GRIK2: variants seen among roughly 807,000 people sequenced by gnomAD.
GRIK2 encodes the protein glutamate receptor ionotropic, kainate 2.
GRIK2 carries 32 observed loss-of-function variants against 100.3 expected under a neutral mutation model. That is an observed-to-expected ratio of 0.32 (90% CI 0.24 to 0.43). The LOEUF (loss-of-function observed/expected upper bound fraction) is 0.43. GRIK2 is among the 20% of genes least tolerant of loss of function. The pLI is 1.00. For synonymous variants in GRIK2, 417 were observed against 389.4 expected (o/e 1.07, Z -0.83); for missense variants, 843 against 1,114.9 (o/e 0.76, Z 3.47).
Position 102,035,551 on chromosome 6 carries a change from G to A in GRIK2, c.2296G>A (p.Val766Ile), listed in dbSNP as rs3213608. The change falls in exon 15 of 17, where the codon GTT becomes ATT. Residue 766 changes from valine to isoleucine, a missense_variant. Physicochemically the swap from Val to Ile is conservative, Grantham distance 29. Transcript: ENST00000369134. ...GGLIDSKGYG[V>I]GTPMGSPYRD... is the part of the protein sequence containing the mutation. ...CCTTATAGACTCTAAAGGTTATGGCGTTGGCACTCCCATGGGTAGGTTATA... is the reference window on the plus strand; with the variant it reads ...CCTTATAGACTCTAAAGGTTATGGCATTGGCACTCCCATGGGTAGGTTATA... The A allele has an allele frequency of 1.2e-3, 1,869 of 1,589,202 alleles. 27 individuals carry two copies. The Admixed American group carries it at 0.023, about 19-fold the overall frequency.
intron 14 of GRIK2, among the ~76,000 whole-genome samples, chr6:101,980,852 A>G (rs1376279171): frequency 6.6e-6 from 1 of 150,894 alleles, no homozygotes; most frequent in Non-Finnish European, 1.5e-5. Flanking sequence ...AAGTATAAGC[A>G]CTGAAGTAAC....
chr6:101,790,206 C>T (rs1402273486), intron 7 of GRIK2, among the ~76,000 whole-genome samples: 11 of 151,948 alleles, frequency 7.2e-5, no homozygotes, highest in Admixed American at 2.6e-4. Flanking sequence ...ATTTCCTTCT[C>T]CTGCCTAATT....
At chr6:101,402,942 C>T (rs1775402117) in intron 2 of GRIK2, among the ~76,000 whole-genome samples, 2 of 152,304 alleles carry the variant, frequency 1.3e-5, no homozygotes, top group Non-Finnish European at 2.9e-5. Flanking sequence ...GGCCTCTAAG[C>T]TGAACTGCGG....
chr6:101,836,663 T>TATATA (rs1562426881), intron 10 of GRIK2, among the ~76,000 whole-genome samples: 5 of 75,792 alleles, frequency 6.6e-5, no homozygotes, highest in African/African-American at 2.8e-4. Flanking sequence ...ATATATATAT[T>TATATA]TTTTTTTTTT....
intron 2 of GRIK2, among the ~76,000 whole-genome samples, chr6:101,590,253 A>G (rs576906221): frequency 3.3e-5 from 5 of 152,146 alleles, no homozygotes; most frequent in African/African-American, 1.2e-4. Flanking sequence ...GCTTTGTGAT[A>G]CTGAAGCTGG....
At chr6:101,775,542 T>TGC (rs1778686676) in intron 7 of GRIK2, among the ~76,000 whole-genome samples, 1 of 26 alleles carries the variant, frequency 0.038, no homozygotes, top group South Asian at 0.5. Context: ...TGTATATATA[T>TGC]GTGTGTGAGA....
chr6:101,891,303 A>G (rs887380161), intron 12 of GRIK2, among the ~76,000 whole-genome samples: 1 of 151,818 alleles, frequency 6.6e-6, no homozygotes, highest in Non-Finnish European at 1.5e-5. Context: ...CGGATCACAA[A>G]GTCAGGAGAT....
At chr6:101,932,231 T>G (rs74505241) in intron 14 of GRIK2, among the ~76,000 whole-genome samples, 3,198 of 152,156 alleles carry the variant, frequency 0.021, 125 homozygotes, top group Admixed American at 0.092. Context: ...CTTTATTATG[T>G]GCACTAATAC....
intron 11 of GRIK2, among the ~76,000 whole-genome samples, chr6:101,881,206 CA>C (rs1304090812): frequency 6.6e-6 from 1 of 151,734 alleles, no homozygotes; most frequent in African/African-American, 2.4e-5. Flanking sequence ...TATATAATAA[CA>C]TTACATTTTA....
intron 4 of GRIK2, among the ~76,000 whole-genome samples, chr6:101,673,636 T>C (rs185389929): frequency 6.6e-6 from 1 of 152,320 alleles, no homozygotes; most frequent in Admixed American, 6.5e-5. Flanking sequence ...TTTCTCTTTT[T>C]ATTCATGTAT....
intron 14 of GRIK2, among the ~76,000 whole-genome samples, chr6:101,955,615 T>TCTCTCCCC (rs1405718742): frequency 1.1e-5 from 1 of 93,140 alleles, no homozygotes; most frequent in African/African-American, 4.2e-5. Context: ...TCTCTCTCTC[T>TCTCTCCCC]CCCCCCCATT....
At chr6:101,628,021 A>T (rs1780542248) in intron 4 of GRIK2, among the ~76,000 whole-genome samples, 2 of 152,218 alleles carry the variant, frequency 1.3e-5, no homozygotes, top group Admixed American at 1.3e-4. Flanking sequence ...CAATATAAAC[A>T]GTGCTCTTTA....
At chr6:102,066,672 AAG>A (rs913958470) in intron 16 of GRIK2, among the ~76,000 whole-genome samples, 31 of 151,594 alleles carry the variant, frequency 2.0e-4, no homozygotes, top group African/African-American at 7.0e-4. Flanking sequence ...TGTGAGGAGA[AAG>A]AGAGAGAGAT....
chr6:101,509,341 T>C (rs1487099444), intron 2 of GRIK2, among the ~76,000 whole-genome samples: 2 of 152,086 alleles, frequency 1.3e-5, no homozygotes, highest in Non-Finnish European at 2.9e-5. Context: ...TGTATGCAAA[T>C]TGGATTTGTT....
intron 2 of GRIK2, among the ~76,000 whole-genome samples, chr6:101,471,538 C>T (rs1306841678): frequency 6.6e-6 from 1 of 151,862 alleles, no homozygotes; most frequent in East Asian, 1.9e-4. Context: ...CAGCTAAACA[C>T]CAGAGCCATG....
At chr6:101,724,286 A>G (rs1200683200) in intron 7 of GRIK2, among the ~76,000 whole-genome samples, 1 of 151,812 alleles carries the variant, frequency 6.6e-6, no homozygotes, top group African/African-American at 2.4e-5. Context: ...ACGTTATCCC[A>G]TCACCCAGAT....
chr6:101,907,754 T>C (rs1788336870), intron 12 of GRIK2, among the ~76,000 whole-genome samples: 1 of 151,622 alleles, frequency 6.6e-6, no homozygotes, highest in South Asian at 2.1e-4. Context: ...TTTTAGAAGA[T>C]CTTAAAATGG....
At chr6:101,522,093 A>G (rs185390364) in intron 2 of GRIK2, among the ~76,000 whole-genome samples, 2 of 152,264 alleles carry the variant, frequency 1.3e-5, no homozygotes, top group Non-Finnish European at 2.9e-5. Context: ...GCAGTTATCA[A>G]AATTTTAGGG....
intron 7 of GRIK2, among the ~76,000 whole-genome samples, chr6:101,758,714 G>A (rs1043243499): frequency 4.6e-5 from 7 of 152,180 alleles, no homozygotes; most frequent in Non-Finnish European, 5.9e-5. Flanking sequence ...ATAAGAGCAA[G>A]TGAGAATTAA....
Sources: allele counts gnomAD v4.1 joint callset (sites outside exome capture counted in the v4.1 genomes callset), GRCh38; gene constraint gnomAD v4.1.1; transcripts MANE v1.5; gene names NCBI Gene and HGNC (gene_info 2026-07-23, HGNC 2026-07-21).